Variants in GRAMD2B observed in about 807,000 individuals in gnomAD.
The protein encoded by GRAMD2B is GRAM domain containing 2B.
In GRAMD2B, 41 loss-of-function variants were observed where a neutral mutation model predicts 59.2. That is an observed-to-expected ratio of 0.69 (90% confidence interval 0.54 to 0.90). The LOEUF (loss-of-function observed/expected upper bound fraction) is 0.90. GRAMD2B is among the 40% of genes least tolerant of loss of function. The probability of loss-of-function intolerance (pLI) is 0.00; values close to 1 mark genes in which losing one functional copy is unlikely to be tolerated. For synonymous variants in GRAMD2B, 161 were observed against 182.7 expected, an observed-to-expected ratio of 0.88 and a Z score of 0.96; for missense variants, 424 against 500.5, an observed-to-expected ratio of 0.85 and a Z score of 1.46.
rs1773092344 is a variant in GRAMD2B at position 126,487,085 on chromosome 5, T to C, written c.1163+108T>C. On this transcript the variant is annotated intron_variant, in intron 12 of 13. Transcript: ENST00000285689. ...AAACATTAATTGGAGATACATTCTG[T>C]ATGTGACATTTTGTTAAGTGTATAT... is the stretch of plus-strand genomic sequence containing the variant. 14 of 665,514 alleles carry C rather than the reference T, an allele frequency of 2.1e-5. No individual in the cohort carries two copies. The South Asian group carries it at 2.6e-4, about 12-fold the overall frequency. 41.2% of individuals were successfully genotyped at this position (665,514 alleles called of 1,614,324 possible).
At chr5:126,460,475 A>G (rs928460613) in intron 1 of GRAMD2B, among the ~76,000 whole-genome samples, 2 of 152,142 alleles carry the variant, frequency 1.3e-5, no homozygotes, top group Non-Finnish European at 2.9e-5. Context: ...CTAGTTTGGG[A>G]GATTCTGAGT....
chr5:126,449,708 G>A (rs1050527565), intron 1 of GRAMD2B, among the ~76,000 whole-genome samples: 1 of 152,114 alleles, frequency 6.6e-6, no homozygotes, highest in African/African-American at 2.4e-5. Context: ...TTTAGAAAAA[G>A]AATCCTGAGC....
intron 1 of GRAMD2B, among the ~76,000 whole-genome samples, chr5:126,391,025 T>G (rs1004052318): frequency 6.6e-6 from 1 of 152,076 alleles, no homozygotes; most frequent in African/African-American, 2.4e-5. Context: ...AGATTGGGCT[T>G]AAAGATGTAG....
At chr5:126,366,264 G>A (rs1028340143) in intron 1 of GRAMD2B, among the ~76,000 whole-genome samples, 1 of 152,166 alleles carries the variant, frequency 6.6e-6, no homozygotes, top group South Asian at 2.1e-4. Flanking sequence ...AATATTCCAA[G>A]CTGCTTGGCA....
exon 1 of GRAMD2B, chr5:126,360,260 G>A (rs1754159220): frequency 6.6e-7 from 1 of 1,519,822 alleles, no homozygotes; most frequent in Non-Finnish European, 8.9e-7. Context: ...TGGTTGGGCA[G>A]ATCTGGTGTA....
chr5:126,485,792 TGTGA>T lies in GRAMD2B; in HGVS notation c.1058+24_1058+27del, dbSNP rs547669768. 3,957 of 1,411,768 alleles carry T rather than the reference TGTGA, an allele frequency of 2.8e-3. 7 individuals are homozygous for T. The highest frequency in any genetic ancestry group is 3.6e-3 in the Non-Finnish European group (3,619 of 1,005,352). 87.5% of individuals were successfully genotyped at this position (1,411,768 alleles called of 1,614,324 possible). On this transcript the variant is annotated intron_variant, in intron 11 of 13. Transcript: ENST00000285689. ...CAATTGTGTAAGTACATGAATTTAC[TGTGA>T]GTGACTAAGAAAATGATTCCATTCG...
intron 1 of GRAMD2B, among the ~76,000 whole-genome samples, chr5:126,463,562 T>C (rs1460212473): frequency 6.6e-6 from 1 of 152,238 alleles, no homozygotes; most frequent in Admixed American, 6.5e-5. Context: ...CAGCCTTCCA[T>C]GTACCTTTGT....
intron 1 of GRAMD2B, among the ~76,000 whole-genome samples, chr5:126,364,581 C>T (rs1754356845): frequency 6.6e-6 from 1 of 152,200 alleles, no homozygotes; most frequent in Non-Finnish European, 1.5e-5. Context: ...TACAAAGCAG[C>T]ATGATGTGAA....
chr5:126,419,728 G>A (rs1219351434), upstream of GRAMD2B, among the ~76,000 whole-genome samples: 1 of 152,090 alleles, frequency 6.6e-6, no homozygotes, highest in Admixed American at 6.6e-5. Flanking sequence ...CTACCAAAGT[G>A]GTTTTAAAAA....
intron 1 of GRAMD2B, among the ~76,000 whole-genome samples, chr5:126,381,243 A>T (rs1274171829): frequency 1.3e-5 from 2 of 152,170 alleles, no homozygotes; most frequent in African/African-American, 4.8e-5. Context: ...CATCCCTGGT[A>T]TAAAACCCAC....
At chr5:126,366,131 G>T (rs371776680) in intron 1 of GRAMD2B, among the ~76,000 whole-genome samples, 1 of 152,108 alleles carries the variant, frequency 6.6e-6, no homozygotes, top group Admixed American at 6.5e-5. Flanking sequence ...CCTCTCAAAG[G>T]GTTCACAACT....
intron 4 of GRAMD2B, among the ~76,000 whole-genome samples, chr5:126,472,613 G>T (rs1364497285): frequency 1.3e-5 from 2 of 152,116 alleles, no homozygotes; most frequent in African/African-American, 4.8e-5. Flanking sequence ...AGGATAACAA[G>T]CCTGGGGCAA....
upstream of GRAMD2B, among the ~76,000 whole-genome samples, chr5:126,369,713 T>G (rs1420677211): frequency 6.6e-6 from 1 of 152,232 alleles, no homozygotes; most frequent in Non-Finnish European, 1.5e-5. Flanking sequence ...GTTCAAAGAC[T>G]GTTCACTGAC....
At chr5:126,389,722 T>C (rs995215848) in intron 1 of GRAMD2B, among the ~76,000 whole-genome samples, 2 of 152,048 alleles carry the variant, frequency 1.3e-5, no homozygotes, top group African/African-American at 4.8e-5. Flanking sequence ...CTGAGGTGGG[T>C]GGATCACCTG....
intron 1 of GRAMD2B, among the ~76,000 whole-genome samples, chr5:126,406,674 C>A (rs768563966): frequency 7.9e-5 from 12 of 151,964 alleles, no homozygotes; most frequent in Non-Finnish European, 1.0e-4. Flanking sequence ...GGTTTAGTAA[C>A]CCCTGGATAC....
intron 1 of GRAMD2B, among the ~76,000 whole-genome samples, chr5:126,388,261 T>C (rs1370111890): frequency 1.9e-4 from 29 of 152,024 alleles, no homozygotes; most frequent in Admixed American, 1.9e-3. Context: ...TGGTCCCAGC[T>C]GCTTAGGGAG....
chr5:126,491,049 G>A (rs1773837518), intron 13 of GRAMD2B, among the ~76,000 whole-genome samples: 1 of 152,032 alleles, frequency 6.6e-6, no homozygotes, highest in African/African-American at 2.4e-5. Flanking sequence ...TCTCATTGTG[G>A]TTTTTGCTTG....
At chr5:126,401,103 T>G (rs1005945624) in intron 1 of GRAMD2B, among the ~76,000 whole-genome samples, 1 of 152,028 alleles carries the variant, frequency 6.6e-6, no homozygotes, top group Non-Finnish European at 1.5e-5. Flanking sequence ...ATAAATCTCT[T>G]AGGCTTTCTT....
intron 1 of GRAMD2B, among the ~76,000 whole-genome samples, chr5:126,393,047 A>G (rs530437551): frequency 1.3e-5 from 2 of 152,348 alleles, no homozygotes; most frequent in Admixed American, 1.3e-4. Flanking sequence ...CTCAAAGTTC[A>G]CGCAAGAAAA....
Sources: gnomAD v4.1 joint callset for allele counts (sites outside exome capture counted in the v4.1 genomes callset) on GRCh38, gnomAD v4.1.1 for gene constraint, MANE v1.5 for transcripts, NCBI Gene and HGNC (gene_info 2026-07-23, HGNC 2026-07-21) for gene names.